The following PHACTR1 variants were observed in gnomAD, a reference collection of about 807,000 sequenced individuals.
PHACTR1 encodes RPEL repeat containing 1.
In PHACTR1, 16 loss-of-function variants were observed where a neutral mutation model predicts 69.2. The observed-to-expected ratio is 0.23, with a 90% CI of 0.16 to 0.35. PHACTR1 has a LOEUF of 0.35. Ranked by LOEUF, PHACTR1 falls within the 10% of genes least tolerant of loss-of-function variation. PHACTR1 has a pLI of 1.00. For missense variants in PHACTR1, 510 were observed against 734.7 expected, an observed-to-expected ratio of 0.69 and a Z score of 3.54; for synonymous variants, 312 against 284.5, an observed-to-expected ratio of 1.10 and a Z score of -0.97.
In PHACTR1 at chr6:12,728,810, A is replaced by T. The variant is rs1181018691; in HGVS notation, c.103+9963A>T. ...TAAAATATAAGAATATATAGCCAGC[A>T]CTGCACACTTACAGACCACTGCTTA... On this transcript the variant is annotated intron_variant, in intron 3 of 14. Transcript: ENST00000332995. Among the ~76,000 whole-genome samples the T allele has an allele frequency of 2.6e-5, 4 of 152,366 alleles. No homozygotes were observed. The East Asian group carries it at 5.8e-4, about 22-fold the overall frequency.
chr6:13,119,784 A>G (rs890182035), intron 5 of PHACTR1, among the ~76,000 whole-genome samples: 10 of 152,208 alleles, frequency 6.6e-5, no homozygotes, highest in Non-Finnish European at 1.5e-4. Context: ...CACTTCCAGC[A>G]GAACAGATGT....
At chr6:12,771,591 G>A (rs1224142243) in intron 4 of PHACTR1, among the ~76,000 whole-genome samples, 3 of 152,176 alleles carry the variant, frequency 2.0e-5, no homozygotes, top group Admixed American at 1.3e-4. Context: ...GTCTGGATCC[G>A]GGATGCTCCA....
intron 4 of PHACTR1, among the ~76,000 whole-genome samples, chr6:12,938,424 G>T (rs886967476): frequency 6.6e-6 from 1 of 151,926 alleles, no homozygotes; most frequent in African/African-American, 2.4e-5. Flanking sequence ...GCACAAACCC[G>T]TGCACACCAT....
intron 8 of PHACTR1, among the ~76,000 whole-genome samples, chr6:13,215,765 G>T (rs934053157): frequency 2.0e-5 from 3 of 152,182 alleles, no homozygotes; most frequent in African/African-American, 7.2e-5. Flanking sequence ...TATTGAAGTA[G>T]GTTAACTGTA....
At chr6:12,750,550 AG>A (rs1188878079) in intron 4 of PHACTR1, among the ~76,000 whole-genome samples, 9 of 117,174 alleles carry the variant, frequency 7.7e-5, no homozygotes, top group African/African-American at 2.6e-4. Flanking sequence ...GAAGGAAGGA[AG>A]GGGGGAAGGA....
At chr6:12,941,414 G>A (rs146282525) in intron 4 of PHACTR1, among the ~76,000 whole-genome samples, 42 of 152,200 alleles carry the variant, frequency 2.8e-4, no homozygotes, top group Middle Eastern at 3.4e-3. Flanking sequence ...TTTCTTACAA[G>A]TCATAACTGT....
At chr6:13,093,845 C>A (rs113318003) in intron 5 of PHACTR1, among the ~76,000 whole-genome samples, 5 of 152,254 alleles carry the variant, frequency 3.3e-5, no homozygotes, top group African/African-American at 1.2e-4. Context: ...TTTCGAAGAG[C>A]CAGTCTTTCA....
intron 4 of PHACTR1, among the ~76,000 whole-genome samples, chr6:12,911,525 A>T (rs1786389954): frequency 1.3e-5 from 2 of 152,220 alleles, no homozygotes; most frequent in Admixed American, 1.3e-4. Flanking sequence ...ATTTCTGAAT[A>T]AAATGCTTGC....
At chr6:12,961,104 G>A (rs1792663470) in intron 4 of PHACTR1, among the ~76,000 whole-genome samples, 1 of 152,156 alleles carries the variant, frequency 6.6e-6, no homozygotes, top group Admixed American at 6.5e-5. Context: ...CTAGGTATAG[G>A]TTGAGCTTCT....
At chr6:13,266,727 A>G (rs1776775053) in intron 10 of PHACTR1, 1 of 152,292 alleles carries the variant, frequency 6.6e-6, no homozygotes, top group African/African-American at 2.4e-5. Flanking sequence ...TTAAACAACC[A>G]GATCTCGCGA....
At chr6:13,029,955 G>T (rs1303973180) in intron 4 of PHACTR1, among the ~76,000 whole-genome samples, 1 of 152,192 alleles carries the variant, frequency 6.6e-6, no homozygotes, top group East Asian at 1.9e-4. Context: ...CTAGTTGTGC[G>T]ACCTTCTCAG....
At chr6:12,932,584 A>G (rs1380297703) in intron 4 of PHACTR1, among the ~76,000 whole-genome samples, 1 of 152,212 alleles carries the variant, frequency 6.6e-6, no homozygotes, top group Non-Finnish European at 1.5e-5. Flanking sequence ...ATACACAAAG[A>G]CGCTTTAAAT....
intron 4 of PHACTR1, among the ~76,000 whole-genome samples, chr6:12,988,731 C>T (rs1796474673): frequency 6.6e-6 from 1 of 152,178 alleles, no homozygotes; most frequent in Admixed American, 6.5e-5. Context: ...CCAAGACAGT[C>T]ATGTTCGAAT....
chr6:12,868,923 T>C (rs1205371081), intron 4 of PHACTR1, among the ~76,000 whole-genome samples: 25 of 151,976 alleles, frequency 1.6e-4, no homozygotes, highest in Admixed American at 1.6e-3. Context: ...TCCAAAGGGG[T>C]TCCACTTTGG....
chr6:13,184,082 C>T (rs893582112), intron 7 of PHACTR1, among the ~76,000 whole-genome samples: 1 of 152,212 alleles, frequency 6.6e-6, no homozygotes, highest in Non-Finnish European at 1.5e-5. Context: ...CATCCCTTGC[C>T]TCGTCAAAGT....
intron 4 of PHACTR1, among the ~76,000 whole-genome samples, chr6:12,919,289 C>T (rs1483970162): frequency 3.3e-5 from 5 of 152,120 alleles, no homozygotes; most frequent in East Asian, 3.9e-4. Flanking sequence ...ACTACAGGCA[C>T]GCACCACCAT....
chr6:13,119,140 C>T (rs552565932), intron 5 of PHACTR1, among the ~76,000 whole-genome samples: 26 of 152,260 alleles, frequency 1.7e-4, no homozygotes, highest in African/African-American at 6.3e-4. Flanking sequence ...ATTTCTGTTT[C>T]TCCCCAAGCA....
At chr6:12,900,701 A>G (rs7771369) in intron 4 of PHACTR1, among the ~76,000 whole-genome samples, 2,091 of 152,346 alleles carry the variant, frequency 0.014, 47 homozygotes, top group African/African-American at 0.047. Context: ...CTGTCTCAAA[A>G]TATATATACA....
intron 4 of PHACTR1, among the ~76,000 whole-genome samples, chr6:13,025,045 C>T (rs891324520): frequency 6.6e-6 from 1 of 152,008 alleles, no homozygotes; most frequent in Non-Finnish European, 1.5e-5. Context: ...TGCTTGAGCC[C>T]AGGAGTTCAA....
Sources: gnomAD v4.1 joint callset for allele counts (sites outside exome capture counted in the v4.1 genomes callset) on GRCh38, gnomAD v4.1.1 for gene constraint, MANE v1.5 for transcripts, NCBI Gene and HGNC (gene_info 2026-07-23, HGNC 2026-07-21) for gene names.